TOP3A: variants seen among roughly 807,000 people sequenced by gnomAD.
The protein encoded by TOP3A is DNA topoisomerase 3-alpha.
Under a neutral mutation model 111.3 loss-of-function variants are expected in TOP3A, and 64 were observed. The observed-to-expected ratio is 0.57, with a 90% CI of 0.47 to 0.71. The LOEUF is 0.71. Among genes scored for constraint, TOP3A ranks in the 30% least tolerant of loss-of-function variants. The probability of loss-of-function intolerance (pLI) is 0.00; values close to 1 mark genes in which losing one functional copy is unlikely to be tolerated. For synonymous variants in TOP3A, 484 were observed against 485.1 expected (o/e 1.00, Z 0.03); for missense variants, 1,104 against 1,285.0 (o/e 0.86, Z 2.15).
intron 1 of TOP3A, chr17:18,311,924 C>T (rs1981934698): frequency 6.6e-6 from 1 of 152,344 alleles, no homozygotes; most frequent in South Asian, 2.1e-4. Flanking sequence ...GAAAGATGGC[C>T]AAGGGGAAGA....
chr17:18,286,633 C>T (rs1980124764), intron 13 of TOP3A, among the ~76,000 whole-genome samples: 1 of 152,162 alleles, frequency 6.6e-6, no homozygotes, highest in Non-Finnish European at 1.5e-5. Flanking sequence ...AAACTGGAAT[C>T]CTAGTGCCTT....
In TOP3A at chr17:18,296,438, G is replaced by C. The variant is rs577445868; in HGVS notation, c.991-1653C>G. Among the ~76,000 whole-genome samples, 5 of 152,042 alleles carry C rather than the reference G, an allele frequency of 3.3e-5. No homozygotes were observed. The South Asian group carries it at 1.0e-3, about 32-fold the overall frequency. ...CTACTAAAAATACAAAAATTAGCTGGGTGTGGTGGCGCGCACCTATAGTCC... is the reference window on the plus strand; with the variant it reads ...CTACTAAAAATACAAAAATTAGCTGCGTGTGGTGGCGCGCACCTATAGTCC... On this transcript the variant is annotated intron_variant, in intron 9 of 18. Transcript: ENST00000321105.
intron 1 of TOP3A, among the ~76,000 whole-genome samples, chr17:18,310,543 T>C (rs1981849703): frequency 6.6e-6 from 1 of 152,094 alleles, no homozygotes; most frequent in Non-Finnish European, 1.5e-5. Context: ...AAGATATGGG[T>C]CCACTTATAG....
intron 10 of TOP3A, among the ~76,000 whole-genome samples, chr17:18,293,985 A>G (rs910797303): frequency 8.5e-5 from 13 of 152,228 alleles, no homozygotes; most frequent in Non-Finnish European, 1.6e-4. Flanking sequence ...TTTTACATCT[A>G]TAGCGCATCC....
At chr17:18,299,510 A>G (rs1303029096) in intron 9 of TOP3A, 49 bp downstream of exon 9, 1 of 1,565,874 alleles carries the variant, frequency 6.4e-7, no homozygotes, top group Admixed American at 1.7e-5. Context: ...CACAGCCTCA[A>G]AACAGTAAGT....
At chr17:18,299,866 T>C (rs545599319) in intron 8 of TOP3A, among the ~76,000 whole-genome samples, 1 of 152,294 alleles carries the variant, frequency 6.6e-6, no homozygotes, top group South Asian at 2.1e-4. Context: ...TCACAAGCCT[T>C]AAGGTGCTTC....
rs886121257 is a variant in TOP3A, at chr17:18,272,210, T to G, written c.*2592A>C. ...AGGAAAATGCAAAACAAAACCACAATGACACGCCACTTCATACCCACTAGG... is the reference window on the plus strand; with the variant it reads ...AGGAAAATGCAAAACAAAACCACAAGGACACGCCACTTCATACCCACTAGG... On this transcript the variant is annotated 3_prime_UTR_variant, in exon 19 of 19. Coordinates refer to ENST00000321105, the MANE Select transcript of TOP3A (RefSeq NM_004618.5). Among the ~76,000 whole-genome samples, 2 of 152,090 alleles carry G rather than the reference T, an allele frequency of 1.3e-5. No individual in the cohort carries two copies. The highest frequency in any genetic ancestry group is 2.9e-5 in the Non-Finnish European group (2 of 68,014).
Position 18,278,061 on chromosome 17 carries a change from T to G in TOP3A, c.2441A>C (p.Asn814Thr). 6.2e-7 allele frequency: 1 copy of G among 1,614,208 alleles called. No individual in the cohort carries two copies. The highest frequency in any genetic ancestry group is 8.5e-7 in the Non-Finnish European group (1 of 1,180,044). Reference protein sequence around the residue: ...AAGESNSVTCNCGQEAVLLTV... With the variant: ...AAGESNSVTCTCGQEAVLLTV... The stretch of plus-strand genomic sequence containing the variant: ...GAGCAGCACAGCCTCCTGGCCACAG[T>G]TGCAGGTCACAGAATTGCTTTCACC... Residue 814 changes from asparagine (N) to threonine (T), a missense_variant, in exon 18 of 19, where the codon AAC (asparagine) becomes ACC (threonine). By Grantham distance (65) the Asn-to-Thr change is moderately conservative (BLOSUM62 0). Transcript: ENST00000321105.
intron 9 of TOP3A, among the ~76,000 whole-genome samples, chr17:18,295,900 T>C (rs1189765380): frequency 6.6e-6 from 1 of 152,006 alleles, no homozygotes; most frequent in Non-Finnish European, 1.5e-5. Flanking sequence ...CCCGAGTAGC[T>C]GGGACTACAG....
At position 18,277,703 on chromosome 17, in the gene TOP3A, G is replaced by GA; in HGVS notation, c.2798dup (p.Gln934ProfsTer5). On this transcript the variant is annotated frameshift_variant, in exon 18 of 19. Transcript: ENST00000321105. LOFTEE classifies it low-confidence loss of function (END_TRUNC). ...GAGCGGTGTTCTCATCGACCCACTGGAAAAAGCCACACTGCTGCTCTCTCG... is the reference window on the plus strand; with the variant it reads ...GAGCGGTGTTCTCATCGACCCACTGGAAAAAAGCCACACTGCTGCTCTCTCG... 6.2e-7 allele frequency: 1 copy of GA among 1,611,364 alleles called. No individual in the cohort carries two copies. The highest frequency in any genetic ancestry group is 8.5e-7 in the Non-Finnish European group (1 of 1,177,740).
chr17:18,284,093 G>A (rs974394340), intron 15 of TOP3A, among the ~76,000 whole-genome samples: 4 of 152,104 alleles, frequency 2.6e-5, no homozygotes, highest in Non-Finnish European at 4.4e-5. Context: ...TCCACCTTCC[G>A]GGTTCAAGCA....
chr17:18,287,789 T>C (rs1257768564), intron 13 of TOP3A, among the ~76,000 whole-genome samples: 1 of 151,914 alleles, frequency 6.6e-6, no homozygotes, highest in Non-Finnish European at 1.5e-5. Flanking sequence ...GGTCAGGAGT[T>C]TGAGACCAGC....
At chr17:18,283,960 C>G (rs1012232591) in intron 15 of TOP3A, among the ~76,000 whole-genome samples, 1 of 152,092 alleles carries the variant, frequency 6.6e-6, no homozygotes, top group African/African-American at 2.4e-5. Flanking sequence ...GGAGTCTTTA[C>G]CTGTTTAGCT....
chr17:18,281,503 C>A (rs996660278), intron 16 of TOP3A, among the ~76,000 whole-genome samples: 1 of 152,126 alleles, frequency 6.6e-6, no homozygotes, highest in Non-Finnish European at 1.5e-5. Context: ...AGTAGTTATT[C>A]TCTCTCCTTA....
At chr17:18,296,849 T>C (rs568919259) in intron 9 of TOP3A, among the ~76,000 whole-genome samples, 10 of 152,312 alleles carry the variant, frequency 6.6e-5, no homozygotes, top group East Asian at 1.9e-4. Context: ...TTATGTTCTG[T>C]CAGGGTGGCT....
chr17:18,297,513 G>A (rs1980896551), intron 9 of TOP3A, among the ~76,000 whole-genome samples: 1 of 114,566 alleles, frequency 8.7e-6, no homozygotes. Flanking sequence ...GAAGCTGGAC[G>A]GTACTGCTGC....
rs1325050890 is a variant in TOP3A at position 18,278,345 on chromosome 17, C to T, written c.2157G>A (p.Lys719=). ...TCGGGGGAAGGCTACCGCGCTTAAA[C>T]TTTAACTTTAACCTAGTGAGGCCAG... ...QPHPVYRLKL[K]FKRGSLPPTM... is the part of the protein sequence containing the mutation. Residue 719 remains lysine (K), a synonymous_variant, in exon 18 of 19, where the codon AAG becomes AAA. Transcript: ENST00000321105. The T allele has an allele frequency of 6.6e-7, 1 of 1,512,768 alleles. No homozygotes were observed. The highest frequency in any genetic ancestry group is 1.4e-5 in the African/African-American group (1 of 71,564). The allele number at this position is 1,512,768 out of a possible 1,614,324, so 93.7% of individuals were successfully genotyped here.
chr17:18,307,581 G>A (rs754237063), intron 3 of TOP3A: 1 of 149,686 alleles, frequency 6.7e-6, no homozygotes, highest in Non-Finnish European at 1.5e-5. Context: ...CTAGGCGACA[G>A]AATAAAACTC....
chr17:18,286,556 T>G (rs988075533), intron 13 of TOP3A, among the ~76,000 whole-genome samples: 2 of 151,914 alleles, frequency 1.3e-5, no homozygotes, highest in Non-Finnish European at 2.9e-5. Flanking sequence ...ACCAGTGAAA[T>G]AGCAGTTCAG....
Sources: allele counts gnomAD v4.1 joint callset (sites outside exome capture counted in the v4.1 genomes callset), GRCh38; gene constraint gnomAD v4.1.1; transcripts MANE v1.5; gene names NCBI Gene and HGNC (gene_info 2026-07-23, HGNC 2026-07-21).